The following PARM1 variants were observed in gnomAD, a reference collection of about 807,000 sequenced individuals.
PARM1 encodes WSC4, cell wall integrity and stress response component 4 homolog.
In PARM1, 14 loss-of-function variants were observed where a neutral mutation model predicts 24.6. The observed-to-expected ratio is 0.57, with a 90% confidence interval of 0.38 to 0.89. The LOEUF is 0.89. PARM1 is among the 40% of genes least tolerant of loss of function. The pLI is 0.00. For missense variants in PARM1, 362 were observed against 380.4 expected, an observed-to-expected ratio of 0.95 and a Z score of 0.40; for synonymous variants, 179 against 156.6, an observed-to-expected ratio of 1.14 and a Z score of -1.07.
chr4:75,038,386 A>T (rs886703287), intron 3 of PARM1, among the ~76,000 whole-genome samples: 7 of 152,252 alleles, frequency 4.6e-5, no homozygotes, highest in African/African-American at 1.7e-4. Context: ...TTACTGCTGT[A>T]GTTTTTAGAA....
intron 2 of PARM1, among the ~76,000 whole-genome samples, chr4:75,014,308 C>T (rs1560792568): frequency 6.6e-6 from 1 of 152,154 alleles, no homozygotes; most frequent in Non-Finnish European, 1.5e-5. Flanking sequence ...GAGAATTGCA[C>T]ATTTTTATTT....
intron 1 of PARM1, among the ~76,000 whole-genome samples, chr4:74,952,829 T>A (rs1279722670): frequency 6.6e-6 from 1 of 152,258 alleles, no homozygotes; most frequent in Non-Finnish European, 1.5e-5. Context: ...TGTGCATATG[T>A]AAAATGTGAA....
intron 1 of PARM1, among the ~76,000 whole-genome samples, chr4:74,963,210 C>A (rs1319949279): frequency 3.4e-4 from 52 of 152,180 alleles, no homozygotes; most frequent in African/African-American, 1.2e-3. Context: ...GATATTTCTT[C>A]ATAGCAGTGT....
chr4:74,957,439 A>T (rs1220287311), intron 1 of PARM1: 1 of 152,218 alleles, frequency 6.6e-6, no homozygotes, highest in Non-Finnish European at 1.5e-5. Context: ...AATCCTAATT[A>T]CAGGAGGTCT....
At chr4:75,038,498 G>T (rs550053652) in intron 3 of PARM1, among the ~76,000 whole-genome samples, 9 of 152,188 alleles carry the variant, frequency 5.9e-5, no homozygotes, top group Non-Finnish European at 1.2e-4. Context: ...TTCAGTAGGC[G>T]TAGGGATTCA....
intron 1 of PARM1, among the ~76,000 whole-genome samples, chr4:74,938,299 T>C (rs1322755573): frequency 1.3e-5 from 2 of 152,244 alleles, no homozygotes; most frequent in African/African-American, 4.8e-5. Context: ...CAGCAACATT[T>C]TTTAAGTGTT....
At position 75,047,605 on chromosome 4, in the gene PARM1, C is replaced by A. The variant is rs911779929; in HGVS notation, c.*1358C>A. 3.9e-5 allele frequency: 6 copies of A among 152,150 alleles called. No homozygotes were observed. Among genetic ancestry groups the A allele is most frequent in the Non-Finnish European group, 8.8e-5 (6 of 68,030 alleles). The allele number at this position is 152,150 out of a possible 1,614,324, so 9.4% of individuals were successfully genotyped here. A position where few individuals can be genotyped will look rare whatever the true frequency, so the allele number is the denominator to read the frequency against. On this transcript the variant is annotated 3_prime_UTR_variant, in exon 4 of 4. Transcript: ENST00000307428. The stretch of plus-strand genomic sequence containing the variant: ...ATGACTTGGGGGTGCTACTAGAAGC[C>A]AGGAATGCTGCCAAACATTCTACCA...
intron 1 of PARM1, among the ~76,000 whole-genome samples, chr4:74,943,905 G>T (rs891163845): frequency 1.3e-5 from 2 of 152,192 alleles, no homozygotes; most frequent in African/African-American, 4.8e-5. Flanking sequence ...AGAACAGAAT[G>T]GGCATTTCCT....
At chr4:74,965,666 T>C (rs545271705) in intron 1 of PARM1, among the ~76,000 whole-genome samples, 4 of 152,152 alleles carry the variant, frequency 2.6e-5, no homozygotes, top group Non-Finnish European at 5.9e-5. Flanking sequence ...AACATGACTG[T>C]GTGATAAGAA....
intron 1 of PARM1, among the ~76,000 whole-genome samples, chr4:74,987,747 G>C (rs1395275310): frequency 6.6e-6 from 1 of 152,118 alleles, no homozygotes; most frequent in Non-Finnish European, 1.5e-5. Context: ...TGATCAAGAA[G>C]GACAGAATTC....
chr4:74,979,021 T>A lies in PARM1; in HGVS notation c.44-33404T>A, dbSNP rs925824582. 7.9e-5 allele frequency among the ~76,000 whole-genome samples: 12 copies of A among 151,904 alleles called. 1 individual carries two copies. In the East Asian group the frequency reaches 1.5e-3, roughly 20 times the overall value. On this transcript the variant is annotated intron_variant, in intron 1 of 3. Transcript: ENST00000307428. The stretch of plus-strand genomic sequence containing the variant: ...ATCAAAAATATAGAAACATCTCAAA[T>A]AGACACCCTAACATCACAATGAAAA...
chr4:74,939,209 G>A (rs1402842293), intron 1 of PARM1, among the ~76,000 whole-genome samples: 2 of 152,044 alleles, frequency 1.3e-5, no homozygotes, highest in Non-Finnish European at 2.9e-5. Context: ...CTGCCTCATG[G>A]GGCTTTAGTT....
intron 2 of PARM1, among the ~76,000 whole-genome samples, chr4:75,023,354 G>A (rs1723122970): frequency 6.6e-6 from 1 of 152,114 alleles, no homozygotes; most frequent in Non-Finnish European, 1.5e-5. Context: ...TGTTTTACAG[G>A]ATTCTTATTA....
intron 2 of PARM1, among the ~76,000 whole-genome samples, chr4:75,023,944 G>C (rs1340915932): frequency 1.3e-5 from 2 of 152,124 alleles, no homozygotes; most frequent in Non-Finnish European, 2.9e-5. Context: ...CCTGAGTCTG[G>C]GGGAAATTAA....
intron 1 of PARM1, among the ~76,000 whole-genome samples, chr4:74,954,551 G>C (rs530745956): frequency 4.6e-5 from 7 of 152,328 alleles, no homozygotes; most frequent in African/African-American, 1.7e-4. Context: ...GCAAAGTATA[G>C]ATTGAATCTT....
intron 1 of PARM1, among the ~76,000 whole-genome samples, chr4:75,010,535 TAAAA>T (rs199516148): frequency 6.6e-6 from 1 of 152,096 alleles, no homozygotes; most frequent in Admixed American, 6.5e-5. Context: ...AATAAAAAAT[TAAAA>T]AAAATTTTTT....
At chr4:74,997,528 A>T (rs187178451) in intron 1 of PARM1, among the ~76,000 whole-genome samples, 1 of 152,296 alleles carries the variant, frequency 6.6e-6, no homozygotes, top group African/African-American at 2.4e-5. Flanking sequence ...GCTGCTTGAC[A>T]TTGAATTAGA....
intron 1 of PARM1, among the ~76,000 whole-genome samples, chr4:74,998,808 ACTCCC>A (rs1414228545): frequency 1.3e-5 from 2 of 152,012 alleles, no homozygotes; most frequent in Non-Finnish European, 2.9e-5. Flanking sequence ...CACAGTTCCT[ACTCCC>A]CTCGGATTGC....
intron 3 of PARM1, among the ~76,000 whole-genome samples, chr4:75,038,838 C>T (rs1474135051): frequency 6.6e-6 from 1 of 152,116 alleles, no homozygotes; most frequent in African/African-American, 2.4e-5. Context: ...ACATAATCTC[C>T]CTGCACAGGA....
Sources: gnomAD v4.1 joint callset for allele counts (sites outside exome capture counted in the v4.1 genomes callset) on GRCh38, gnomAD v4.1.1 for gene constraint, MANE v1.5 for transcripts, NCBI Gene and HGNC (gene_info 2026-07-23, HGNC 2026-07-21) for gene names.